Variants in TENM4 observed in about 807,000 individuals in gnomAD.
The protein encoded by TENM4 is teneurin transmembrane protein 4, also known as teneurin-4.
TENM4 carries 82 observed loss-of-function variants against 243.3 expected under a neutral mutation model. The observed-to-expected ratio is 0.34, with a 90% CI of 0.28 to 0.40. The LOEUF (loss-of-function observed/expected upper bound fraction) is 0.40. Ranked by LOEUF, TENM4 falls within the 10% of genes least tolerant of loss-of-function variation. The pLI is 1.00. For synonymous variants in TENM4, 1,412 were observed against 1,456.3 expected, an observed-to-expected ratio of 0.97 and a Z score of 0.69; for missense variants, 3,138 against 3,673.3, an observed-to-expected ratio of 0.85 and a Z score of 3.77.
rs182096916 is a variant in TENM4, at chr11:79,043,231, T to C, written c.493+21507A>G. Among the ~76,000 whole-genome samples, 153 of 152,306 alleles carry C rather than the reference T, an allele frequency of 1.0e-3. No individual in the cohort carries two copies. The Middle Eastern group carries it at 0.017, about 17-fold the overall frequency. ...GATGGAAACACCTCAGAGGATAATGTTCTATTGTGTTCATACCTCAGATCT... is the reference window on the plus strand; with the variant it reads ...GATGGAAACACCTCAGAGGATAATGCTCTATTGTGTTCATACCTCAGATCT... On this transcript the variant is annotated intron_variant, in intron 6 of 33. Transcript: ENST00000278550.
chr11:79,280,733 G>A (rs1856142800), intron 2 of TENM4, among the ~76,000 whole-genome samples: 1 of 152,060 alleles, frequency 6.6e-6, no homozygotes, highest in Non-Finnish European at 1.5e-5. Context: ...CATCATTAAG[G>A]ACATATCTCT....
intron 17 of TENM4, among the ~76,000 whole-genome samples, 176 bp downstream of exon 17, chr11:78,778,426 C>A (rs1181887217): frequency 6.6e-6 from 1 of 152,154 alleles, no homozygotes; most frequent in African/African-American, 2.4e-5. Context: ...CACCTTGTGA[C>A]CGAAAACCCA....
Position 79,345,519 on chromosome 11 carries a change from T to C in TENM4, c.-320-47976A>G, listed in dbSNP as rs574095519. On this transcript the variant is annotated intron_variant, in intron 1 of 33. Coordinates refer to ENST00000278550, the MANE Select transcript of TENM4 (RefSeq NM_001098816.3). Reference sequence around the variant, plus strand: ...ACAAGCGAAATAATGGCCAAGTGTATCAAGAGGCTTAATCTCTCACTTATG... The same window carrying C: ...ACAAGCGAAATAATGGCCAAGTGTACCAAGAGGCTTAATCTCTCACTTATG... Among the ~76,000 whole-genome samples the C allele has an allele frequency of 5.3e-5, 8 of 152,294 alleles. 1 individual carries two copies. The South Asian group carries it at 1.7e-3, about 32-fold the overall frequency.
chr11:78,976,842 T>A (rs1591177644), intron 6 of TENM4, among the ~76,000 whole-genome samples: 1 of 152,172 alleles, frequency 6.6e-6, no homozygotes, highest in East Asian at 1.9e-4. Context: ...GAAAGGAACC[T>A]TTGAGATAAG....
At chr11:79,317,534 A>G (rs528682711) in intron 1 of TENM4, among the ~76,000 whole-genome samples, 2 of 152,146 alleles carry the variant, frequency 1.3e-5, no homozygotes, top group Admixed American at 6.5e-5. Flanking sequence ...CTGGACTTTT[A>G]TATCTTTATT....
intron 9 of TENM4, among the ~76,000 whole-genome samples, chr11:78,875,793 T>C (rs1859256651): frequency 1.3e-5 from 2 of 152,172 alleles, no homozygotes; most frequent in Non-Finnish European, 2.9e-5. Context: ...TTGAAGAATA[T>C]TAAATGAGGA....
chr11:79,367,286 C>G (rs961206661), intron 1 of TENM4, among the ~76,000 whole-genome samples: 1 of 152,174 alleles, frequency 6.6e-6, no homozygotes, highest in Non-Finnish European at 1.5e-5. Context: ...ACCTTCTGAC[C>G]TTATATGCAT....
At chr11:78,698,339 A>T (rs1859015569) in intron 28 of TENM4, among the ~76,000 whole-genome samples, 1 of 152,144 alleles carries the variant, frequency 6.6e-6, no homozygotes, top group Non-Finnish European at 1.5e-5. Context: ...GTGAGCCGAG[A>T]TCGCACCATT....
At chr11:79,313,524 T>C (rs1349349721) in intron 1 of TENM4, among the ~76,000 whole-genome samples, 1 of 152,210 alleles carries the variant, frequency 6.6e-6, no homozygotes, top group Non-Finnish European at 1.5e-5. Flanking sequence ...CTAATAACTC[T>C]TTCACAGAAA....
chr11:78,870,829 G>C lies in TENM4; in HGVS notation c.1085-7697C>G, dbSNP rs138851688. Among the ~76,000 whole-genome samples the C allele has an allele frequency of 2.8e-3, 419 of 152,302 alleles. 2 individuals carry two copies. Among genetic ancestry groups the C allele is most frequent in the African/African-American group, 9.8e-3 (409 of 41,574 alleles). Reference sequence around the variant, plus strand: ...CAGAGGAGGAATGTCACCTTAACTGGAGGGCACTGAAAACTGGTGACAAGG... The same window carrying C: ...CAGAGGAGGAATGTCACCTTAACTGCAGGGCACTGAAAACTGGTGACAAGG... On this transcript the variant is annotated intron_variant, in intron 9 of 33. Transcript: ENST00000278550.
chr11:79,248,849 C>T (rs1855563752), intron 2 of TENM4, among the ~76,000 whole-genome samples: 1 of 152,096 alleles, frequency 6.6e-6, no homozygotes, highest in Admixed American at 6.5e-5. Flanking sequence ...AAGCTTCCCT[C>T]CCCCACCCAT....
chr11:79,135,302 C>T (rs1183336025), intron 4 of TENM4, among the ~76,000 whole-genome samples: 1 of 151,972 alleles, frequency 6.6e-6, no homozygotes, highest in Non-Finnish European at 1.5e-5. Context: ...GTGATACCAC[C>T]TTACTCCTGC....
At chr11:79,199,761 A>T (rs190526975) in intron 3 of TENM4, among the ~76,000 whole-genome samples, 56 of 152,264 alleles carry the variant, frequency 3.7e-4, no homozygotes, top group African/African-American at 1.3e-3. Flanking sequence ...TTTTTCAGGA[A>T]CATGTCCCGG....
At chr11:78,753,729 A>G (rs1590995362) in intron 19 of TENM4, among the ~76,000 whole-genome samples, 1 of 149,268 alleles carries the variant, frequency 6.7e-6, no homozygotes, top group Admixed American at 6.6e-5. Flanking sequence ...TTTTTTTTTT[A>G]AAGAGACAGT....
At chr11:78,667,334 C>T (rs1054177676) in intron 32 of TENM4, among the ~76,000 whole-genome samples, 2 of 152,156 alleles carry the variant, frequency 1.3e-5, no homozygotes, top group Non-Finnish European at 2.9e-5. Flanking sequence ...AATTCTTCTA[C>T]TGCTGTCAGC....
intron 3 of TENM4, among the ~76,000 whole-genome samples, chr11:79,184,663 A>G (rs1317655223): frequency 6.6e-6 from 1 of 152,184 alleles, no homozygotes; most frequent in Non-Finnish European, 1.5e-5. Flanking sequence ...AGGTACCTAG[A>G]GCCGTCAAAT....
At chr11:78,969,886 A>G (rs1050692192) in intron 6 of TENM4, among the ~76,000 whole-genome samples, 20 of 152,344 alleles carry the variant, frequency 1.3e-4, no homozygotes, top group Admixed American at 1.3e-4. Flanking sequence ...CCTAGAAAGA[A>G]AATAAAACAA....
Position 78,778,643 on chromosome 11 carries a change from G to C in TENM4, c.2366-15C>G. Reference sequence around the variant, plus strand: ...CAGATAGTGAGCTAGGGAGATAAAAGACAGGACATTTAAGGTAGGATCCAG... The same window carrying C: ...CAGATAGTGAGCTAGGGAGATAAAACACAGGACATTTAAGGTAGGATCCAG... On this transcript the variant is annotated splice_polypyrimidine_tract_variant and intron_variant, in intron 16 of 33. Transcript: ENST00000278550. The C allele has an allele frequency of 1.9e-6, 3 of 1,611,326 alleles. No individual in the cohort carries two copies. The highest frequency in any genetic ancestry group is 2.5e-6 in the Non-Finnish European group (3 of 1,178,722).
intron 1 of TENM4, among the ~76,000 whole-genome samples, chr11:79,429,405 G>C (rs1015492044): frequency 6.6e-6 from 1 of 152,158 alleles, no homozygotes; most frequent in Non-Finnish European, 1.5e-5. Flanking sequence ...GGAGCCAGCG[G>C]ACCAGCAGCT....
Sources: gnomAD v4.1 joint callset for allele counts (sites outside exome capture counted in the v4.1 genomes callset) on GRCh38, gnomAD v4.1.1 for gene constraint, MANE v1.5 for transcripts, NCBI Gene and HGNC (gene_info 2026-07-23, HGNC 2026-07-21) for gene names.